Variants in NRG4 observed in about 807,000 individuals in gnomAD.
NRG4 encodes the protein pro-neuregulin-4, membrane-bound isoform.
In NRG4, 10 loss-of-function variants were observed where a neutral mutation model predicts 15.0. The ratio of observed to expected loss-of-function variants is 0.67; its 90% CI spans 0.41 to 1.13. NRG4 has a LOEUF of 1.13. Among genes scored for constraint, NRG4 ranks in the 50% most tolerant of loss-of-function variants. The probability of loss-of-function intolerance (pLI) is 0.00; values close to 1 mark genes in which losing one functional copy is unlikely to be tolerated. For missense variants in NRG4, 139 were observed against 140.2 expected (o/e 0.99, Z 0.04); for synonymous variants, 41 against 50.1 (o/e 0.82, Z 0.77).
At chr15:75,999,634 G>C (rs528552249) in intron 3 of NRG4, among the ~76,000 whole-genome samples, 1 of 152,274 alleles carries the variant, frequency 6.6e-6, no homozygotes, top group South Asian at 2.1e-4. Flanking sequence ...AATTTCTACT[G>C]TCTATAAATT....
intron 4 of NRG4, among the ~76,000 whole-genome samples, chr15:76,050,328 A>T (rs1338156782): frequency 6.8e-6 from 1 of 147,554 alleles, no homozygotes; most frequent in Non-Finnish European, 1.5e-5. Flanking sequence ...TTTCTAATCT[A>T]TTTTTTCCTG....
rs767409032 is a variant in NRG4, at chr15:75,994,122, T to C, written c.104+15078A>G. Among the ~76,000 whole-genome samples the C allele has an allele frequency of 5.4e-4, 82 of 152,212 alleles. 3 individuals carry two copies. The highest frequency in any genetic ancestry group is 5.9e-4 in the Non-Finnish European group (40 of 68,034). ...GTAGATTCTAGATGGTTACATTCCT[T>C]TTTAAAGTACAAATATTTTGTTTTA... On this transcript the variant is annotated intron_variant, in intron 3 of 5. Transcript: ENST00000394907.
upstream of NRG4, among the ~76,000 whole-genome samples, chr15:76,014,290 G>C (rs2034907720): frequency 6.6e-6 from 1 of 152,094 alleles, no homozygotes; most frequent in African/African-American, 2.4e-5. Flanking sequence ...CCATTCTGTA[G>C]GTTGCCTGTT....
intron 5 of NRG4, among the ~76,000 whole-genome samples, chr15:75,951,639 A>G (rs190411986): frequency 7.9e-4 from 120 of 152,302 alleles, no homozygotes; most frequent in African/African-American, 2.7e-3. Context: ...TCTAGCATAC[A>G]CTTTTGACTT....
intron 3 of NRG4, among the ~76,000 whole-genome samples, chr15:75,974,553 T>C (rs1479694143): frequency 6.6e-6 from 1 of 152,230 alleles, no homozygotes; most frequent in African/African-American, 2.4e-5. Context: ...TTCTGGTATA[T>C]TGTGTCTTTG....
intron 4 of NRG4, among the ~76,000 whole-genome samples, chr15:76,040,644 A>T (rs1250763261): frequency 6.6e-6 from 1 of 152,192 alleles, no homozygotes; most frequent in Non-Finnish European, 1.5e-5. Flanking sequence ...TGGGCCTGGC[A>T]TGGTGGTTCA....
At chr15:75,987,750 G>C (rs1238267752) in intron 3 of NRG4, among the ~76,000 whole-genome samples, 1 of 152,190 alleles carries the variant, frequency 6.6e-6, no homozygotes, top group Non-Finnish European at 1.5e-5. Flanking sequence ...CTGATTAAGT[G>C]CTATTCAAAG....
At chr15:75,987,887 AAT>A (rs1414969437) in intron 3 of NRG4, among the ~76,000 whole-genome samples, 1 of 152,188 alleles carries the variant, frequency 6.6e-6, no homozygotes, top group Non-Finnish European at 1.5e-5. Context: ...ATGCTTCAAT[AAT>A]CAAAAGCAGG....
At position 76,048,279 on chromosome 15, in the gene NRG4, G is replaced by T. The variant is rs547140297; in HGVS notation, c.-105+3788C>A. The stretch of plus-strand genomic sequence containing the variant: ...TTGAGGCCAGGAGTTTGAGACTAGC[G>T]TGGCCAATGTGGTAAAACCCCATCT... On this transcript the variant is annotated intron_variant, in intron 4 of 8. Transcript: ENST00000563910. Among the ~76,000 whole-genome samples, 457 of 150,280 alleles carry T rather than the reference G, an allele frequency of 3.0e-3. 31 individuals are homozygous for T. The highest frequency in any genetic ancestry group is 0.011 in the African/African-American group (434 of 40,110).
At chr15:76,017,097 T>G (rs2035000336), upstream of NRG4, among the ~76,000 whole-genome samples, 1 of 152,038 alleles carries the variant, frequency 6.6e-6, no homozygotes, top group Non-Finnish European at 1.5e-5. Context: ...CTTTGTTTCT[T>G]TTGATCTTTG....
At position 76,050,407 on chromosome 15, in the gene NRG4, G is replaced by A. The variant is rs554056878; in HGVS notation, c.-105+1660C>T. On this transcript the variant is annotated intron_variant, in intron 4 of 8. Transcript: ENST00000563910. The stretch of plus-strand genomic sequence containing the variant: ...TCAGTATGACAGCATCTCATCTACT[G>A]GAAAAGCATTATTGTCACCCCGAGC... Among the ~76,000 whole-genome samples the A allele has an allele frequency of 5.0e-4, 74 of 147,604 alleles. 1 individual carries two copies. The highest frequency in any genetic ancestry group is 4.9e-4 in the Non-Finnish European group (33 of 67,228).
chr15:75,936,445 A>C (rs900840231), downstream of NRG4: 3 of 152,194 alleles, frequency 2.0e-5, no homozygotes, highest in Non-Finnish European at 2.9e-5. Flanking sequence ...ATATTTGCAA[A>C]ATATGTTATT....
chr15:75,978,179 T>C (rs2141846082), intron 3 of NRG4, among the ~76,000 whole-genome samples: 1 of 152,228 alleles, frequency 6.6e-6, no homozygotes, highest in East Asian at 1.9e-4. Context: ...TTCACTAACC[T>C]CTCTTCATTT....
At chr15:75,961,409 T>C (rs961191682) in intron 4 of NRG4, among the ~76,000 whole-genome samples, 1 of 152,194 alleles carries the variant, frequency 6.6e-6, no homozygotes, top group Non-Finnish European at 1.5e-5. Flanking sequence ...TTGTATTCTT[T>C]ATGCCTAGCA....
At chr15:76,008,825 A>G (rs1340439667) in intron 3 of NRG4, among the ~76,000 whole-genome samples, 2 of 152,234 alleles carry the variant, frequency 1.3e-5, no homozygotes, top group Non-Finnish European at 2.9e-5. Context: ...AAAACTCAAA[A>G]TAAAATATAT....
At chr15:76,052,637 G>A (rs1596067182) in intron 3 of NRG4, among the ~76,000 whole-genome samples, 1 of 151,224 alleles carries the variant, frequency 6.6e-6, no homozygotes, top group East Asian at 1.9e-4. Context: ...TAAGGTGGTA[G>A]TCTTTGTGGG....
chr15:75,950,165 C>T (rs922899368), intron 5 of NRG4, among the ~76,000 whole-genome samples: 21 of 151,830 alleles, frequency 1.4e-4, no homozygotes, highest in African/African-American at 5.1e-4. Flanking sequence ...TTTTAGTTTT[C>T]AATACATAGG....
intron 3 of NRG4, among the ~76,000 whole-genome samples, chr15:75,982,902 A>G (rs967837655): frequency 3.3e-5 from 5 of 152,226 alleles, no homozygotes; most frequent in Non-Finnish European, 5.9e-5. Flanking sequence ...AAAACAGACC[A>G]TCTAAAAACA....
chr15:75,946,043 A>C (rs369802471), intron 5 of NRG4, among the ~76,000 whole-genome samples: 1 of 152,196 alleles, frequency 6.6e-6, no homozygotes, highest in Non-Finnish European at 1.5e-5. Flanking sequence ...AAGCACTGTG[A>C]TACTGCAACA....
Sources: allele counts gnomAD v4.1 joint callset (sites outside exome capture counted in the v4.1 genomes callset), GRCh38; gene constraint gnomAD v4.1.1; transcripts MANE v1.5; gene names NCBI Gene and HGNC (gene_info 2026-07-23, HGNC 2026-07-21).